ARL10: variants seen among roughly 807,000 people sequenced by gnomAD.
The protein encoded by ARL10 is ARF like GTPase 10, also known as ADP-ribosylation factor-like protein 10.
ARL10 carries 23 observed loss-of-function variants against 26.1 expected under a neutral mutation model. That is an observed-to-expected ratio of 0.88 (90% confidence interval 0.63 to 1.25). ARL10 has a LOEUF of 1.25. Among genes scored for constraint, ARL10 ranks in the 50% most tolerant of loss-of-function variants. The pLI, the probability that ARL10 is intolerant of heterozygous loss-of-function variation, is 0.00. For synonymous variants in ARL10, 138 were observed against 149.1 expected, an observed-to-expected ratio of 0.93 and a Z score of 0.54; for missense variants, 300 against 323.6, an observed-to-expected ratio of 0.93 and a Z score of 0.56.
chr5:176,369,185 T>A, intron 3 of ARL10: 1 of 1,530,598 alleles, frequency 6.5e-7, no homozygotes, highest in Non-Finnish European at 8.7e-7. Context: ...TCTGGAGAGA[T>A]GAGAAAAATA....
intron 1 of ARL10, among the ~76,000 whole-genome samples, chr5:176,400,610 C>A (rs1469352587): frequency 6.6e-6 from 1 of 152,216 alleles, no homozygotes; most frequent in Non-Finnish European, 1.5e-5. Flanking sequence ...GGCACCCACG[C>A]CCTCCGCATT....
At chr5:176,391,460 A>G (rs148411033), downstream of ARL10, among the ~76,000 whole-genome samples, 1,113 of 152,270 alleles carry the variant, frequency 7.3e-3, 17 homozygotes, top group African/African-American at 0.025. Flanking sequence ...AAAAATACAA[A>G]GATTAGCCAA....
rs1175682626 is a variant in ARL10 at position 176,375,846 on chromosome 5, A to G, written c.*3951A>G. On this transcript the variant is annotated 3_prime_UTR_variant, in exon 4 of 4. Transcript: ENST00000310389. ...ACCACAGCCAGTGAGAAGGAACCCT[A>G]CTGGATTTAACCCAGTGACATTATA... 6.6e-6 allele frequency: 1 copy of G among 152,164 alleles called. No homozygotes were observed. Among genetic ancestry groups the G allele is most frequent in the Non-Finnish European group, 1.5e-5 (1 of 68,024 alleles). 9.4% of individuals were successfully genotyped at this position (152,164 alleles called of 1,614,324 possible). A position where few individuals can be genotyped will look rare whatever the true frequency, so the allele number is the denominator to read the frequency against.
downstream of ARL10, chr5:176,405,783 C>CT (rs1467437785): frequency 6.6e-6 from 1 of 152,024 alleles, no homozygotes; most frequent in African/African-American, 2.4e-5. Context: ...GACTCGCGAC[C>CT]TTTGAGAAGT....
the ARL10 span, among the ~76,000 whole-genome samples, chr5:176,410,760 G>T: frequency 7.0e-4 from 82 of 117,916 alleles, no homozygotes; most frequent in Non-Finnish European, 1.5e-3. Context: ...GGGCCTACGC[G>T]TCTCTGCCTG....
chr5:176,388,266 G>A, intron 1 of ARL10: 1 of 1,614,028 alleles, frequency 6.2e-7, no homozygotes, highest in Non-Finnish European at 8.5e-7. Context: ...CGCCCTGTTG[G>A]GGTCCACAGC....
rs1340667048 is a variant in ARL10 at position 176,365,528 on chromosome 5, C to T, written c.-36C>T. On this transcript the variant is annotated 5_prime_UTR_variant, in exon 1 of 4. Coordinates refer to ENST00000310389, the MANE Select transcript of ARL10 (RefSeq NM_173664.6). The stretch of plus-strand genomic sequence containing the variant: ...TCTTCGGCGGGCGAGTGGGCTCGGC[C>T]TGTGCAACCCGCACCTGCGTCCCTC... The T allele has an allele frequency of 9.0e-6, 11 of 1,218,444 alleles. No homozygotes were observed. Among genetic ancestry groups the T allele is most frequent in the African/African-American group, 1.6e-5 (1 of 63,754 alleles). The allele number at this position is 1,218,444 out of a possible 1,614,324, so 75.5% of individuals were successfully genotyped here.
chr5:176,388,460 C>A, exon 2 of ARL10: 1 of 1,614,236 alleles, frequency 6.2e-7, no homozygotes, highest in Non-Finnish European at 8.5e-7. Context: ...TGCCTTCCGT[C>A]GAGCATTCCG....
downstream of ARL10, among the ~76,000 whole-genome samples, chr5:176,382,907 A>ATT (rs1755586782): frequency 6.6e-6 from 1 of 152,212 alleles, no homozygotes; most frequent in African/African-American, 2.4e-5. Context: ...AGGACATAAG[A>ATT]TGGGGCCAAA....
the ARL10 span, among the ~76,000 whole-genome samples, chr5:176,413,908 T>C: frequency 6.6e-6 from 1 of 152,140 alleles, no homozygotes; most frequent in Non-Finnish European, 1.5e-5. Context: ...CCCCGGCACC[T>C]CCCTGGAAGA....
rs570598023 is a variant in ARL10 at position 176,373,331 on chromosome 5, AAGGACTG to A, written c.*1437_*1443del. On this transcript the variant is annotated 3_prime_UTR_variant, in exon 4 of 4. Transcript: ENST00000310389. ...CAGTGCTTGGCGATCAGCCCAATTG[AAGGACTG>A]GCTCTGTACTGACACTTATTATCGG... 772 of 326,476 alleles carry A rather than the reference AAGGACTG, an allele frequency of 2.4e-3. 4 individuals are homozygous for A. The highest frequency in any genetic ancestry group is 0.015 in the African/African-American group (713 of 47,362). The allele number at this position is 326,476 out of a possible 1,614,324, so 20.2% of individuals were successfully genotyped here. A position where few individuals can be genotyped will look rare whatever the true frequency, so the allele number is the denominator to read the frequency against.
At position 176,368,608 on chromosome 5, in the gene ARL10, T is replaced by C. The variant is rs1379455368; in HGVS notation, c.386-199T>C. On this transcript the variant is annotated intron_variant, in intron 2 of 3. Coordinates refer to ENST00000310389, the MANE Select transcript of ARL10 (RefSeq NM_173664.6). This position sits in a 1 kb window ranked among gnomAD's most constrained non-coding sequence, Gnocchi z 4.1. Reference sequence around the variant, plus strand: ...ATCCAGTCTGAGTAGCTGCGGAAACTGCGGTCTTTTCCTTGCCCCCGGCTG... The same window carrying C: ...ATCCAGTCTGAGTAGCTGCGGAAACCGCGGTCTTTTCCTTGCCCCCGGCTG... 6.6e-6 allele frequency among the ~76,000 whole-genome samples: 1 copy of C among 151,648 alleles called. No individual in the cohort carries two copies. The highest frequency in any genetic ancestry group is 1.5e-5 in the Non-Finnish European group (1 of 67,916).
rs1418488999 is a variant in ARL10, at chr5:176,375,312, CCATCCATCCATCCATCCATCCATCAT to C, written c.*3419_*3444del. 1.4e-4 allele frequency: 7 copies of C among 51,758 alleles called. No individual in the cohort carries two copies. The highest frequency in any genetic ancestry group is 3.4e-4 in the Non-Finnish European group (7 of 20,786). 3.2% of individuals were successfully genotyped at this position (51,758 alleles called of 1,614,324 possible). On this transcript the variant is annotated 3_prime_UTR_variant, in exon 4 of 4. Coordinates refer to ENST00000310389, the MANE Select transcript of ARL10 (RefSeq NM_173664.6). ...CCCATCCATCCATCCATCCATCCAT[CCATCCATCCATCCATCCATCCATCAT>C]CCACCCATCCATCCATCCATCCATC...
downstream of ARL10, chr5:176,385,045 C>T (rs1755720349): frequency 1.6e-6 from 1 of 620,378 alleles, no homozygotes. Context: ...TCAGTCTATC[C>T]TTGCCATAAG....
rs146156497 is a variant in ARL10 at position 176,368,874 on chromosome 5, T to C, written c.453T>C (p.Phe151=). 37 of 1,614,012 alleles carry C rather than the reference T, an allele frequency of 2.3e-5. No individual in the cohort carries two copies. The highest frequency in any genetic ancestry group is 3.1e-5 in the Non-Finnish European group (36 of 1,180,018). Residue 151 remains phenylalanine (F), a synonymous_variant, in exon 3 of 4, where the codon TTT becomes TTC. Coordinates refer to ENST00000310389, the MANE Select transcript of ARL10 (RefSeq NM_173664.6). This position sits in a 1 kb window ranked among gnomAD's most constrained non-coding sequence, Gnocchi z 4.1. ...TGAGCGAGGTGGATGTGCTGGTGTT[T>C]GTGGTGGACTCGGCTGACCGACTGC... is the stretch of plus-strand genomic sequence containing the variant. The part of the protein sequence containing the change: ...EFVSEVDVLV[F]VVDSADRLRL...
rs903188297 is a variant in ARL10 at position 176,365,727 on chromosome 5, C to CCGAGTGGGA, written c.176_183+1dup. 12 of 1,237,716 alleles carry CCGAGTGGGA rather than the reference C, an allele frequency of 9.7e-6. No individual in the cohort carries two copies. Among genetic ancestry groups the CCGAGTGGGA allele is most frequent in the African/African-American group, 4.7e-5 (3 of 64,398 alleles). The allele number at this position is 1,237,716 out of a possible 1,614,324, so 76.7% of individuals were successfully genotyped here. Reference sequence around the variant, plus strand: ...TGGGGCGCGGAGGCTGCCCGCCTCCCCGAGTGGGACGAGTGGGACGTGAGT... The same window carrying CCGAGTGGGA: ...TGGGGCGCGGAGGCTGCCCGCCTCCCCGAGTGGGACGAGTGGGACGAGTGGGACGTGAGT... On this transcript the variant is annotated inframe_insertion, in exon 1 of 4. Coordinates refer to ENST00000310389, the MANE Select transcript of ARL10 (RefSeq NM_173664.6).
At chr5:176,397,365 G>C (rs550385482) in intron 1 of ARL10, among the ~76,000 whole-genome samples, 26 of 72,366 alleles carry the variant, frequency 3.6e-4, no homozygotes, top group Non-Finnish European at 5.3e-4. Flanking sequence ...TGTCCCCACA[G>C]CTCCCTCTCA....
At chr5:176,388,915 A>G (rs1267226794), downstream of ARL10, 3 of 1,614,198 alleles carry the variant, frequency 1.9e-6, no homozygotes, top group Admixed American at 5.0e-5. Flanking sequence ...ACAGGAATCC[A>G]GAGAGTTTCA....
the ARL10 span, among the ~76,000 whole-genome samples, chr5:176,408,459 T>C: frequency 2.0e-5 from 3 of 150,340 alleles, no homozygotes; most frequent in Non-Finnish European, 3.0e-5. Context: ...TCACTTGAAC[T>C]CAGGAGGCGG....
Sources: allele counts gnomAD v4.1 joint callset (sites outside exome capture counted in the v4.1 genomes callset), GRCh38; gene constraint gnomAD v4.1.1; non-coding constraint Gnocchi (gnomAD v3.1); transcripts MANE v1.5; gene names NCBI Gene and HGNC (gene_info 2026-07-23, HGNC 2026-07-21).